Variants in RBMS3 observed in about 807,000 individuals in gnomAD.
The protein encoded by RBMS3 is RNA binding motif single stranded interacting protein 3, also known as RNA-binding motif, single-stranded-interacting protein 3.
Under a neutral mutation model 66.8 loss-of-function variants are expected in RBMS3, and 27 were observed. That is an observed-to-expected ratio of 0.40 (90% CI 0.30 to 0.56). The LOEUF (loss-of-function observed/expected upper bound fraction) is 0.56, where lower values mean the gene tolerates loss of function less well. Ranked by LOEUF, RBMS3 falls within the 20% of genes least tolerant of loss-of-function variation. The pLI, the probability that RBMS3 is intolerant of heterozygous loss-of-function variation, is 0.40. For missense variants in RBMS3, 513 were observed against 549.5 expected (o/e 0.93, Z 0.66); for synonymous variants, 188 against 183.0 (o/e 1.03, Z -0.22).
chr3:29,341,356 T>A (rs1320599982), intron 1 of RBMS3, among the ~76,000 whole-genome samples: 1 of 152,126 alleles, frequency 6.6e-6, no homozygotes, highest in South Asian at 2.1e-4. Flanking sequence ...CAGGGAAATT[T>A]CATTATGTTG....
intron 1 of RBMS3, among the ~76,000 whole-genome samples, chr3:29,423,840 A>G (rs908291672): frequency 5.3e-5 from 8 of 152,212 alleles, no homozygotes; most frequent in African/African-American, 1.9e-4. Context: ...ACATATTTAT[A>G]TTTAAACCTG....
intron 1 of RBMS3, among the ~76,000 whole-genome samples, chr3:29,351,243 A>G (rs771905953): frequency 6.6e-6 from 1 of 152,022 alleles, no homozygotes; most frequent in Non-Finnish European, 1.5e-5. Flanking sequence ...TTCCTTATGA[A>G]CCTCTAGGAT....
chr3:29,708,117 G>A (rs1204284956), intron 4 of RBMS3, among the ~76,000 whole-genome samples: 3 of 152,114 alleles, frequency 2.0e-5, no homozygotes, highest in Non-Finnish European at 2.9e-5. Context: ...AGCGATATAT[G>A]CTACTTTTGT....
intron 1 of RBMS3, among the ~76,000 whole-genome samples, chr3:29,369,782 A>G (rs13097194): frequency 0.16 from 23,977 of 152,104 alleles, 1,873 homozygotes; most frequent in Middle Eastern, 0.23. Context: ...AATTCTTTCC[A>G]GTAAAGAGGT....
At chr3:29,584,405 C>T (rs1171658948) in intron 3 of RBMS3, among the ~76,000 whole-genome samples, 1 of 152,022 alleles carries the variant, frequency 6.6e-6, no homozygotes, top group Non-Finnish European at 1.5e-5. Flanking sequence ...TGACTATTTC[C>T]TATTAATAAC....
chr3:29,553,192 A>G (rs1576207068), intron 3 of RBMS3, among the ~76,000 whole-genome samples: 1 of 152,302 alleles, frequency 6.6e-6, no homozygotes, highest in South Asian at 2.1e-4. Flanking sequence ...TTTTTCCTAT[A>G]TATGATTATT....
At chr3:29,596,155 T>A (rs2047935561) in intron 4 of RBMS3, among the ~76,000 whole-genome samples, 1 of 152,228 alleles carries the variant, frequency 6.6e-6, no homozygotes, top group African/African-American at 2.4e-5. Context: ...GCTTTCCTGC[T>A]TTCCTGGCCC....
At chr3:29,466,864 T>C (rs1256125818) in intron 2 of RBMS3, among the ~76,000 whole-genome samples, 2 of 152,230 alleles carry the variant, frequency 1.3e-5, no homozygotes, top group African/African-American at 4.8e-5. Context: ...AATGTCTGCT[T>C]AATTGTTTTA....
At chr3:29,447,104 G>A (rs2041860545) in intron 2 of RBMS3, among the ~76,000 whole-genome samples, 1 of 151,648 alleles carries the variant, frequency 6.6e-6, no homozygotes, top group African/African-American at 2.4e-5. Context: ...GTAAAGACGG[G>A]GTTTCACCAT....
chr3:29,935,718 G>GA (rs2061249213), intron 10 of RBMS3, among the ~76,000 whole-genome samples: 1 of 152,042 alleles, frequency 6.6e-6, no homozygotes, highest in Non-Finnish European at 1.5e-5. Flanking sequence ...CAAATAACAA[G>GA]AAAATTAGAG....
chr3:29,310,989 T>A (rs1364399094), intron 1 of RBMS3, among the ~76,000 whole-genome samples: 1 of 151,624 alleles, frequency 6.6e-6, no homozygotes, highest in African/African-American at 2.4e-5. Flanking sequence ...TCCCAGTGAG[T>A]CCAAATCTAT....
intron 11 of RBMS3, among the ~76,000 whole-genome samples, chr3:29,939,123 C>T (rs555891390): frequency 6.6e-5 from 10 of 152,008 alleles, no homozygotes; most frequent in Middle Eastern, 6.8e-3. Flanking sequence ...ATTTCTTTAA[C>T]GTCTCCATTT....
intron 1 of RBMS3, among the ~76,000 whole-genome samples, chr3:29,296,226 GGCA>G (rs1387964228): frequency 4.0e-5 from 6 of 151,754 alleles, no homozygotes; most frequent in Admixed American, 2.6e-4. Flanking sequence ...AAGTAAAAAG[GGCA>G]GCAGCAGTCA....
intron 1 of RBMS3, among the ~76,000 whole-genome samples, chr3:29,382,368 G>A (rs1276370949): frequency 6.6e-6 from 1 of 152,174 alleles, no homozygotes; most frequent in Non-Finnish European, 1.5e-5. Flanking sequence ...TCCCACATAT[G>A]TAATAATGTA....
chr3:29,738,542 A>T lies in RBMS3; in HGVS notation c.400-1178A>T, dbSNP rs145621991. 3.2e-3 allele frequency among the ~76,000 whole-genome samples: 486 copies of T among 152,358 alleles called. 3 individuals carry two copies. Among genetic ancestry groups the T allele is most frequent in the African/African-American group, 0.01 (436 of 41,582 alleles). On this transcript the variant is annotated intron_variant, in intron 4 of 14. Transcript: ENST00000383767. ...TGTGGTTTGGTTTCCCATTCTATTA[A>T]GCAAAACTTATTTAAGCATTATTGG...
At chr3:29,508,320 T>C (rs1189463235) in intron 3 of RBMS3, among the ~76,000 whole-genome samples, 1 of 152,176 alleles carries the variant, frequency 6.6e-6, no homozygotes, top group African/African-American at 2.4e-5. Context: ...TCATCTACAT[T>C]AGGTATTTCT....
intron 2 of RBMS3, among the ~76,000 whole-genome samples, chr3:29,436,079 C>T (rs968623898): frequency 3.3e-5 from 5 of 151,898 alleles, no homozygotes; most frequent in Non-Finnish European, 5.9e-5. Flanking sequence ...TGTGACTTAG[C>T]TGTGTATTTT....
At chr3:29,991,260 A>G in intron 14 of RBMS3, 51 bp downstream of exon 14, 2 of 1,612,526 alleles carry the variant, frequency 1.2e-6, no homozygotes, top group South Asian at 2.2e-5. Flanking sequence ...CCATCTTGAC[A>G]TCACTCTCTC....
At chr3:29,493,252 G>T (rs922706327) in intron 3 of RBMS3, among the ~76,000 whole-genome samples, 1 of 152,162 alleles carries the variant, frequency 6.6e-6, no homozygotes, top group South Asian at 2.1e-4. Flanking sequence ...AAAATAATGT[G>T]TACACTGAAC....
Sources: allele counts gnomAD v4.1 joint callset (sites outside exome capture counted in the v4.1 genomes callset), GRCh38; gene constraint gnomAD v4.1.1; transcripts MANE v1.5; gene names NCBI Gene and HGNC (gene_info 2026-07-23, HGNC 2026-07-21).